Variants in SMTNL2 observed in about 807,000 individuals in gnomAD.
SMTNL2 encodes smoothelin-like protein 2.
Under a neutral mutation model 44.1 loss-of-function variants are expected in SMTNL2, and 43 were observed. That is an observed-to-expected ratio of 0.98 (90% CI 0.76 to 1.26). SMTNL2 has a LOEUF of 1.26. SMTNL2 is among the 50% of genes most tolerant of loss of function. SMTNL2 has a pLI of 0.00. For synonymous variants in SMTNL2, 317 were observed against 287.6 expected (o/e 1.10, Z -1.03); for missense variants, 646 against 670.2 (o/e 0.96, Z 0.40).
chr17:4,591,827 G>A (rs986365580), intron 1 of SMTNL2, among the ~76,000 whole-genome samples: 2 of 152,232 alleles, frequency 1.3e-5, no homozygotes, highest in South Asian at 2.1e-4. Flanking sequence ...TGAGTCGCAC[G>A]GAGCTGATCA....
chr17:4,584,585 A>C lies in SMTNL2; in HGVS notation c.-21A>C. 8.2e-7 allele frequency: 1 copy of C among 1,223,342 alleles called. No homozygotes were observed. Among genetic ancestry groups the C allele is most frequent in the Middle Eastern group, 3.2e-4 (1 of 3,128 alleles). The allele number at this position is 1,223,342 out of a possible 1,614,324, so 75.8% of individuals were successfully genotyped here. ...TTCTCCCCCGTCTGGCCCGCTCTCG[A>C]CCCGCGCGCTCTGCTGGGCCATGGA... On this transcript the variant is annotated 5_prime_UTR_variant, in exon 1 of 8. Coordinates refer to ENST00000389313, the MANE Select transcript of SMTNL2 (RefSeq NM_001114974.2).
intron 1 of SMTNL2, among the ~76,000 whole-genome samples, chr17:4,589,819 T>G (rs1909495146): frequency 7.0e-6 from 1 of 142,472 alleles, no homozygotes; most frequent in East Asian, 2.4e-4. Flanking sequence ...CAACCCCCTG[T>G]CCCCCGCCCC....
intron 3 of SMTNL2, 109 bp downstream of exon 3, chr17:4,593,280 A>G: frequency 2.1e-6 from 3 of 1,432,614 alleles, no homozygotes; most frequent in Non-Finnish European, 2.8e-6. Flanking sequence ...ACGAGGGGCT[A>G]AGCCCAGCCC....
At chr17:4,603,286 C>T (rs1910121535) in intron 7 of SMTNL2, among the ~76,000 whole-genome samples, 1 of 151,976 alleles carries the variant, frequency 6.6e-6, no homozygotes, top group South Asian at 2.1e-4. Flanking sequence ...AGTTAAGGAA[C>T]CAGAGCTGTT....
intron 7 of SMTNL2, among the ~76,000 whole-genome samples, chr17:4,606,675 C>T (rs1910290934): frequency 6.6e-6 from 1 of 151,692 alleles, no homozygotes; most frequent in African/African-American, 2.4e-5. Context: ...GAGGCCAAGG[C>T]AGGTGGATCA....
intron 1 of SMTNL2, among the ~76,000 whole-genome samples, chr17:4,586,641 A>T (rs1249292983): frequency 1.3e-5 from 2 of 152,130 alleles, no homozygotes; most frequent in Non-Finnish European, 2.9e-5. Flanking sequence ...GAAGCTCAGG[A>T]TGAGGGTCTT....
intron 1 of SMTNL2, among the ~76,000 whole-genome samples, chr17:4,588,996 C>T (rs1362319755): frequency 6.6e-6 from 1 of 152,166 alleles, no homozygotes; most frequent in Non-Finnish European, 1.5e-5. Context: ...CGGGCAGACC[C>T]CTTTCCCCAG....
In SMTNL2 at chr17:4,592,339, G is replaced by A. The variant is rs534028104; in HGVS notation, c.400-22G>A. 151 of 1,612,062 alleles carry A rather than the reference G, an allele frequency of 9.4e-5. No individual in the cohort carries two copies. In the South Asian group the frequency reaches 1.2e-3, roughly 12 times the overall value. ...AGCTGGCCCTAGCTGATGGGGTCTC[G>A]GTGACATTTGTGTCTCTGTAGAGTT... On this transcript the variant is annotated intron_variant, in intron 1 of 7. Coordinates refer to ENST00000389313, the MANE Select transcript of SMTNL2 (RefSeq NM_001114974.2). The surrounding 1 kb of genome is among the most constrained non-coding windows in gnomAD (Gnocchi z 4.5).
chr17:4,590,054 T>A (rs1555546478), intron 1 of SMTNL2, among the ~76,000 whole-genome samples: 2 of 145,838 alleles, frequency 1.4e-5, no homozygotes, highest in African/African-American at 5.1e-5. Context: ...GCAACCTCCA[T>A]CTCCTGGGTT....
intron 5 of SMTNL2, among the ~76,000 whole-genome samples, chr17:4,596,013 G>A (rs1396432521): frequency 8.6e-6 from 1 of 116,352 alleles, no homozygotes; most frequent in African/African-American, 3.0e-5. Flanking sequence ...TGCCTGCTGT[G>A]TGCAGGGTGT....
rs1414160377 is a variant in SMTNL2 at position 4,595,657 on chromosome 17, GT to G, written c.989+332del. Among the ~76,000 whole-genome samples, 1 of 152,210 alleles carries G rather than the reference GT, an allele frequency of 6.6e-6. No homozygotes were observed. Among genetic ancestry groups the G allele is most frequent in the Non-Finnish European group, 1.5e-5 (1 of 68,034 alleles). On this transcript the variant is annotated intron_variant, in intron 5 of 7. Coordinates refer to ENST00000389313, the MANE Select transcript of SMTNL2 (RefSeq NM_001114974.2). The surrounding 1 kb of genome is among the most constrained non-coding windows in gnomAD (Gnocchi z 5.1). ...GCCCTCACACCCACATTCCCCAGGG[GT>G]TGTGGCTCCTCTGGTTTCTGGGCAT...
intron 1 of SMTNL2, among the ~76,000 whole-genome samples, chr17:4,585,320 G>C (rs1258466284): frequency 6.6e-6 from 1 of 152,234 alleles, no homozygotes; most frequent in East Asian, 1.9e-4. Context: ...TCCGGCCCCT[G>C]ACTGTTCAGC....
chr17:4,603,188 G>C (rs904887328), intron 7 of SMTNL2, among the ~76,000 whole-genome samples: 7 of 152,172 alleles, frequency 4.6e-5, no homozygotes, highest in African/African-American at 1.7e-4. Flanking sequence ...GGAAAATGCC[G>C]GCAATTCTGA....
Position 4,607,298 on chromosome 17 carries a change from G to A in SMTNL2, c.1260-63G>A. The A allele has an allele frequency of 1.3e-6, 2 of 1,598,158 alleles. No individual in the cohort carries two copies. Among genetic ancestry groups the A allele is most frequent in the Non-Finnish European group, 1.7e-6 (2 of 1,171,826 alleles). Reference sequence around the variant, plus strand: ...TTCCCGGGACCGAGACACCGGCCCTGTCGCGGCTGTGGGGCTGGCTGATGG... The same window carrying A: ...TTCCCGGGACCGAGACACCGGCCCTATCGCGGCTGTGGGGCTGGCTGATGG... On this transcript the variant is annotated intron_variant, in intron 7 of 7. Transcript: ENST00000389313. The surrounding 1 kb of genome is among the most constrained non-coding windows in gnomAD (Gnocchi z 4.7).
intron 6 of SMTNL2, 34 bp downstream of exon 6, chr17:4,597,011 C>T: frequency 6.8e-7 from 1 of 1,476,560 alleles, no homozygotes. Context: ...TGCTGGGACG[C>T]CCCAGCTAAA....
chr17:4,595,414 C>T lies in SMTNL2; in HGVS notation c.989+87C>T. 1 of 1,504,346 alleles carries T rather than the reference C, an allele frequency of 6.6e-7. No individual in the cohort carries two copies. The highest frequency in any genetic ancestry group is 1.3e-5 in the South Asian group (1 of 77,202). The allele number at this position is 1,504,346 out of a possible 1,614,324, so 93.2% of individuals were successfully genotyped here. On this transcript the variant is annotated intron_variant, in intron 5 of 7. Coordinates refer to ENST00000389313, the MANE Select transcript of SMTNL2 (RefSeq NM_001114974.2). This position sits in a 1 kb window ranked among gnomAD's most constrained non-coding sequence, Gnocchi z 5.1. ...TGGGTGGGTGCAGCAGGGCAAGGTT[C>T]AGCCCTGTCCTGTTCCCCAGGGCGC...
rs981836919 is a variant in SMTNL2 at position 4,600,030 on chromosome 17, C to T, written c.1259+2707C>T. Among the ~76,000 whole-genome samples, 2 of 152,130 alleles carry T rather than the reference C, an allele frequency of 1.3e-5. No individual in the cohort carries two copies. Among genetic ancestry groups the T allele is most frequent in the Non-Finnish European group, 2.9e-5 (2 of 68,024 alleles). ...CGAGGGCGTGGGGAGGGGCGTCCAC[C>T]GCAGGCCTGTGCCGGGGGGTCGGGG... is the stretch of plus-strand genomic sequence containing the variant. On this transcript the variant is annotated intron_variant, in intron 7 of 7. Coordinates refer to ENST00000389313, the MANE Select transcript of SMTNL2 (RefSeq NM_001114974.2). This position sits in a 1 kb window ranked among gnomAD's most constrained non-coding sequence, Gnocchi z 4.7.
rs760066995 is a variant in SMTNL2 at position 4,595,131 on chromosome 17, G to T, written c.807-14G>T. On this transcript the variant is annotated splice_polypyrimidine_tract_variant and intron_variant, in intron 4 of 7. Coordinates refer to ENST00000389313, the MANE Select transcript of SMTNL2 (RefSeq NM_001114974.2). The surrounding 1 kb of genome is among the most constrained non-coding windows in gnomAD (Gnocchi z 5.1). ...TGCTGGGCCCAGGTCCCAACTCGGC[G>T]ATTCTTTCCTCAGCCCACCGCTGGT... 1.2e-6 allele frequency: 2 copies of T among 1,613,010 alleles called. No individual in the cohort carries two copies. The highest frequency in any genetic ancestry group is 1.7e-5 in the Admixed American group (1 of 60,018).
At chr17:4,587,046 A>T (rs1318940709) in intron 1 of SMTNL2, among the ~76,000 whole-genome samples, 2 of 152,186 alleles carry the variant, frequency 1.3e-5, no homozygotes, top group Non-Finnish European at 2.9e-5. Context: ...GAAGGAATTA[A>T]AAACCAGACC....
Sources: allele counts gnomAD v4.1 joint callset (sites outside exome capture counted in the v4.1 genomes callset), GRCh38; gene constraint gnomAD v4.1.1; non-coding constraint Gnocchi (gnomAD v3.1); transcripts MANE v1.5; gene names NCBI Gene and HGNC (gene_info 2026-07-23, HGNC 2026-07-21).